Variants in FER1L5 observed in about 807,000 individuals in gnomAD.
The protein encoded by FER1L5 is fer-1 like family member 5.
A neutral mutation model predicts 279.9 loss-of-function variants in FER1L5; 187 were observed. The ratio of observed to expected loss-of-function variants is 0.67; its 90% CI spans 0.59 to 0.75. The LOEUF is 0.75. Ranked by LOEUF, FER1L5 falls within the 30% of genes least tolerant of loss-of-function variation. The pLI is 0.00. For missense variants in FER1L5, 2,091 were observed against 2,594.4 expected (o/e 0.81, Z 4.21); for synonymous variants, 921 against 989.7 (o/e 0.93, Z 1.30).
At chr2:96,696,985 C>T (rs954214846) in intron 37 of FER1L5, among the ~76,000 whole-genome samples, 1 of 152,168 alleles carries the variant, frequency 6.6e-6, no homozygotes, top group African/African-American at 2.4e-5. Context: ...CTCAAGCGAT[C>T]CTCCCACCTT....
intron 13 of FER1L5, among the ~76,000 whole-genome samples, chr2:96,662,793 G>A (rs959582836): frequency 6.6e-6 from 1 of 152,242 alleles, no homozygotes; most frequent in African/African-American, 2.4e-5. Flanking sequence ...CATAAGCGGA[G>A]AGAAAATAAT....
At chr2:96,643,602 G>A (rs7579051) in intron 1 of FER1L5, among the ~76,000 whole-genome samples, 1 of 151,856 alleles carries the variant, frequency 6.6e-6, no homozygotes, top group African/African-American at 2.4e-5. Context: ...CACCTGCCTC[G>A]GCCTCCCAGA....
intron 19 of FER1L5, among the ~76,000 whole-genome samples, chr2:96,682,532 G>A (rs950190307): frequency 1.3e-5 from 2 of 152,152 alleles, no homozygotes; most frequent in Non-Finnish European, 2.9e-5. Flanking sequence ...GAGTTGATGG[G>A]TTAGGACTAT....
chr2:96,649,661 G>C lies in FER1L5; in HGVS notation c.378G>C (p.Gln126His). The C allele has an allele frequency of 1.3e-6, 2 of 1,551,606 alleles. No individual in the cohort carries two copies. Among genetic ancestry groups the C allele is most frequent in the Admixed American group, 3.9e-5 (2 of 51,006 alleles). The change falls in exon 5 of 53, where the codon CAG becomes CAC. Residue 126 changes from glutamine (Q) to histidine (H), a missense_variant. Transcript: ENST00000624922. ...VTLQVAHMSN[Q>H]DIEKTGAEDH... ...TACAGGTGGCCCACATGAGCAACCA[G>C]GATATTGAGAAGACAGGTATGTCCT...
rs1029933288 is a variant in FER1L5 at position 96,703,781 on chromosome 2, G to C, written c.5801+149G>C. On this transcript the variant is annotated intron_variant, in intron 51 of 52. Coordinates refer to ENST00000624922, the MANE Select transcript of FER1L5 (RefSeq NM_001293083.2). ...TACAATCAGCAAAGAACAGACTTGG[G>C]GTGAGGGTTGGAGTAAGCAAAAGTT... 4 of 681,472 alleles carry C rather than the reference G, an allele frequency of 5.9e-6. No individual in the cohort carries two copies. In the African/African-American group the frequency reaches 7.2e-5, roughly 12 times the overall value. 42.2% of individuals were successfully genotyped at this position (681,472 alleles called of 1,614,324 possible). A position where few individuals can be genotyped will look rare whatever the true frequency, so the allele number is the denominator to read the frequency against.
At position 96,700,485 on chromosome 2, in the gene FER1L5, G is replaced by A. The variant is rs771915148; in HGVS notation, c.5070+14G>A. On this transcript the variant is annotated intron_variant, in intron 45 of 52. Transcript: ENST00000624922. The stretch of plus-strand genomic sequence containing the variant: ...GGCATCGACCAGGTATGAGACTGGA[G>A]GGGCCACTCCTGGCTCCTACAGGAG... 2.0e-5 allele frequency: 32 copies of A among 1,612,336 alleles called. No individual in the cohort carries two copies. Among genetic ancestry groups the A allele is most frequent in the Non-Finnish European group, 2.5e-5 (29 of 1,179,888 alleles).
In FER1L5 at chr2:96,647,086, AC is replaced by A; in HGVS notation, c.163del (p.Arg55AlafsTer36). The A allele has an allele frequency of 6.4e-7, 1 of 1,551,652 alleles. No individual in the cohort carries two copies. Among genetic ancestry groups the A allele is most frequent in the Non-Finnish European group, 8.7e-7 (1 of 1,146,992 alleles). ...CAGACCCTAATCTGGCACCTCTGGAACCGCCCCCTGGAAAATGACTCCTTCC... is the reference window on the plus strand; with the variant it reads ...CAGACCCTAATCTGGCACCTCTGGAACGCCCCCTGGAAAATGACTCCTTCC... ...WNETLIWHLW[N>X]RPLENDSFLQ... is the part of the protein sequence containing the mutation. On this transcript the variant is annotated frameshift_variant, in exon 3 of 53. Transcript: ENST00000624922. LOFTEE classifies it high-confidence loss of function.
chr2:96,659,336 TCCTTCCTTCCTTCCTTCCTTCCTTCC>T lies in FER1L5; in HGVS notation c.748-1004_748-979del. Among the ~76,000 whole-genome samples, 2 of 80,304 alleles carry T rather than the reference TCCTTCCTTCCTTCCTTCCTTCCTTCC, an allele frequency of 2.5e-5. 1 individual carries two copies. The allele number at this position is 80,304 out of a possible 152,430, so 52.7% of individuals were successfully genotyped here. ...TTCCTTCCTTCCTTCCTTCCTTCCT[TCCTTCCTTCCTTCCTTCCTTCCTTCC>T]TTCTTTCTTTCTTTCTTTCTTTCTT... On this transcript the variant is annotated intron_variant, in intron 9 of 52. Coordinates refer to ENST00000624922, the MANE Select transcript of FER1L5 (RefSeq NM_001293083.2).
rs1309358221 is a variant in FER1L5, at chr2:96,661,427, G to A, written c.881G>A (p.Gly294Glu). 6.4e-6 allele frequency: 10 copies of A among 1,551,304 alleles called. No individual in the cohort carries two copies. The East Asian group carries it at 2.2e-4, about 34-fold the overall frequency. The change falls in exon 11 of 53, where the codon GGA becomes GAA. Residue 294 changes from glycine (G) to glutamate (E), a missense_variant. Transcript: ENST00000624922. ...GTCACCATCTATGCCCTCGGTGTGG[G>A]AGACCAGGCCCTGGTGAGCTGCCCC... Reference protein sequence around the residue: ...LKVTIYALGVGDQALIDQKLL... With the variant: ...LKVTIYALGVEDQALIDQKLL...
intron 21 of FER1L5, 42 bp from the exon 22 acceptor site, chr2:96,685,898 C>T (rs1440446279): frequency 4.7e-6 from 7 of 1,478,216 alleles, no homozygotes; most frequent in Non-Finnish European, 6.3e-6. Flanking sequence ...CACTGGGAGG[C>T]AGTAGAGAGG....
chr2:96,699,183 C>T (rs753193731), intron 42 of FER1L5, 47 bp downstream of exon 42: 17 of 1,550,550 alleles, frequency 1.1e-5, no homozygotes, highest in East Asian at 2.4e-5. Flanking sequence ...CCTATCCACA[C>T]CACACTGGAA....
Position 96,704,737 on chromosome 2 carries a change from C to T in FER1L5, c.*45C>T, listed in dbSNP as rs1312340760. On this transcript the variant is annotated 3_prime_UTR_variant, in exon 53 of 53. Coordinates refer to ENST00000624922, the MANE Select transcript of FER1L5 (RefSeq NM_001293083.2). Reference sequence around the variant, plus strand: ...TTTCCTCCTGCTACCAACAGCCCTCCCCTTGGGCTGGCTACCAGTTCTTTG... The same window carrying T: ...TTTCCTCCTGCTACCAACAGCCCTCTCCTTGGGCTGGCTACCAGTTCTTTG... 2.7e-6 allele frequency: 4 copies of T among 1,469,272 alleles called. No individual in the cohort carries two copies. Among genetic ancestry groups the T allele is most frequent in the Admixed American group, 3.4e-5 (2 of 58,276 alleles). 91.0% of individuals were successfully genotyped at this position (1,469,272 alleles called of 1,614,324 possible).
Position 96,703,718 on chromosome 2 carries a change from G to A in FER1L5, c.5801+86G>A, listed in dbSNP as rs558774766. The stretch of plus-strand genomic sequence containing the variant: ...TGACCAGTGGGCCTATCATGGAGAG[G>A]TGGTAATTACCTCCCACCCCACAGC... On this transcript the variant is annotated intron_variant, in intron 51 of 52. Transcript: ENST00000624922. The A allele has an allele frequency of 7.8e-5, 92 of 1,184,982 alleles. 1 individual carries two copies. In the South Asian group the frequency reaches 1.1e-3, roughly 15 times the overall value. The allele number at this position is 1,184,982 out of a possible 1,614,324, so 73.4% of individuals were successfully genotyped here.
intron 9 of FER1L5, chr2:96,654,898 C>CA (rs761973265): frequency 0.15 from 7,735 of 52,572 alleles, 657 homozygotes; most frequent in African/African-American, 0.29. Flanking sequence ...GACTCCATCT[C>CA]AAAAAAAAAA....
At chr2:96,648,309 C>G (rs937441043) in intron 4 of FER1L5, among the ~76,000 whole-genome samples, 11 of 152,204 alleles carry the variant, frequency 7.2e-5, no homozygotes, top group Non-Finnish European at 1.5e-4. Flanking sequence ...GTAGGGAGAC[C>G]ATCCAAATGA....
intron 18 of FER1L5, among the ~76,000 whole-genome samples, chr2:96,672,014 A>T (rs1213570353): frequency 6.6e-6 from 1 of 152,058 alleles, no homozygotes; most frequent in Non-Finnish European, 1.5e-5. Context: ...TAGGAGGATT[A>T]CTTGAGCCCC....
intron 19 of FER1L5, among the ~76,000 whole-genome samples, chr2:96,680,079 G>A (rs57537489): frequency 0.021 from 3,244 of 152,148 alleles, 109 homozygotes; most frequent in African/African-American, 0.072. Context: ...TGCTGCTGCT[G>A]CGCTTCACCC....
At chr2:96,677,567 C>A (rs185551819) in intron 19 of FER1L5, among the ~76,000 whole-genome samples, 1 of 152,188 alleles carries the variant, frequency 6.6e-6, no homozygotes, top group African/African-American at 2.4e-5. Context: ...CACCTCTTAG[C>A]TATTAAGAAT....
At chr2:96,656,649 A>C (rs2075610775) in intron 9 of FER1L5, among the ~76,000 whole-genome samples, 1 of 152,154 alleles carries the variant, frequency 6.6e-6, no homozygotes, top group African/African-American at 2.4e-5. Context: ...AAAACAAAAA[A>C]CAAATCAGGA....
Sources: gnomAD v4.1 joint callset for allele counts (sites outside exome capture counted in the v4.1 genomes callset) on GRCh38, gnomAD v4.1.1 for gene constraint, MANE v1.5 for transcripts, NCBI Gene and HGNC (gene_info 2026-07-23, HGNC 2026-07-21) for gene names.